Variants in MMP26 observed in about 807,000 individuals in gnomAD.
MMP26 encodes the protein matrix metalloproteinase-26.
MMP26 carries 33 observed loss-of-function variants against 31.0 expected under a neutral mutation model. The ratio of observed to expected loss-of-function variants is 1.06; its 90% CI spans 0.81 to 1.42. MMP26 has a LOEUF of 1.42. Ranked by LOEUF, MMP26 falls within the 40% of genes most tolerant of loss-of-function variation. MMP26 has a pLI of 0.00. For synonymous variants in MMP26, 122 were observed against 114.9 expected, an observed-to-expected ratio of 1.06 and a Z score of -0.40; for missense variants, 347 against 316.1, an observed-to-expected ratio of 1.10 and a Z score of -0.74.
rs763566446 is a variant in MMP26 at position 4,803,842 on chromosome 11, G to T, written c.-145+36501G>T. On this transcript the variant is annotated intron_variant, in intron 2 of 7. Transcript: ENST00000380390. ...CAGCACAGCCATGTGCTCACAGTAT[G>T]ACTGGGGAATGGCTTGGTGTTGGCA... The T allele has an allele frequency of 3.7e-6, 6 of 1,612,758 alleles. No homozygotes were observed. The African/African-American group carries it at 8.1e-5, about 22-fold the overall frequency.
At chr11:4,857,135 C>G (rs575098983) in intron 2 of MMP26, among the ~76,000 whole-genome samples, 2 of 151,614 alleles carry the variant, frequency 1.3e-5, no homozygotes, top group Admixed American at 1.3e-4. Flanking sequence ...GATCTAAAAT[C>G]GACACCCTAA....
Position 4,992,029 on chromosome 11 carries a change from A to C in MMP26, c.661A>C (p.Asn221His), listed in dbSNP as rs754299853. 2.5e-6 allele frequency: 4 copies of C among 1,613,810 alleles called. No homozygotes were observed. The highest frequency in any genetic ancestry group is 3.4e-6 in the Non-Finnish European group (4 of 1,179,936). Residue 221 changes from asparagine to histidine, a missense_variant, in exon 7 of 8, where the codon AAT (asparagine) becomes CAT (histidine). Transcript: ENST00000380390. ...TTCTTTGGGCCTGCAGCACTCTGGG[A>C]ATCAGAGCTCCATAATGTACCCCAC... ...GHSLGLQHSG[N>H]QSSIMYPTYW...
chr11:4,722,095 A>G (rs556565136), intron 1 of MMP26, among the ~76,000 whole-genome samples: 2 of 152,326 alleles, frequency 1.3e-5, no homozygotes, highest in South Asian at 4.1e-4. Context: ...CCTCCCCAGA[A>G]GCAGAAGTCG....
chr11:4,851,872 GA>G (rs774787622), intron 2 of MMP26, among the ~76,000 whole-genome samples: 5 of 151,938 alleles, frequency 3.3e-5, no homozygotes, highest in Non-Finnish European at 7.4e-5. Context: ...GTAATGCAAT[GA>G]AAAAGCAGTG....
At chr11:4,860,848 A>G (rs965081177) in intron 2 of MMP26, among the ~76,000 whole-genome samples, 26 of 152,068 alleles carry the variant, frequency 1.7e-4, no homozygotes, top group Middle Eastern at 3.2e-3. Context: ...AAAAATTTTG[A>G]TATCTCCTTT....
At chr11:4,855,153 G>A (rs543220889) in intron 2 of MMP26, among the ~76,000 whole-genome samples, 8 of 152,210 alleles carry the variant, frequency 5.3e-5, no homozygotes, top group South Asian at 4.1e-4. Flanking sequence ...AAATCAGAGC[G>A]CCTCTTCTAC....
At chr11:4,864,768 G>A (rs1293680909) in intron 2 of MMP26, among the ~76,000 whole-genome samples, 1 of 152,032 alleles carries the variant, frequency 6.6e-6, no homozygotes, top group Non-Finnish European at 1.5e-5. Flanking sequence ...AAGATATCAG[G>A]CCTTGACTCC....
chr11:4,731,410 T>C (rs1008831894), intron 1 of MMP26, among the ~76,000 whole-genome samples: 2 of 152,188 alleles, frequency 1.3e-5, no homozygotes, highest in Non-Finnish European at 2.9e-5. Flanking sequence ...ATTAAATGTA[T>C]AGCTCATTTG....
intron 4 of MMP26, among the ~76,000 whole-genome samples, chr11:4,990,299 T>A (rs1470481682): frequency 1.3e-5 from 2 of 152,208 alleles, no homozygotes; most frequent in Non-Finnish European, 2.9e-5. Context: ...AATTTAATTT[T>A]GTTCACATTG....
chr11:4,724,218 G>A, intron 1 of MMP26: 3 of 478,270 alleles, frequency 6.3e-6, no homozygotes, highest in Admixed American at 3.4e-5. Context: ...TGAACCAGGT[G>A]GATGGGCCTT....
intron 2 of MMP26, among the ~76,000 whole-genome samples, chr11:4,959,034 C>A (rs190254475): frequency 0.015 from 2,203 of 151,904 alleles, 59 homozygotes; most frequent in African/African-American, 0.05. Flanking sequence ...GTCATGAGAT[C>A]GAGACCATCC....
At chr11:4,839,480 G>A (rs1849765220) in intron 2 of MMP26, among the ~76,000 whole-genome samples, 2 of 151,578 alleles carry the variant, frequency 1.3e-5, no homozygotes, top group African/African-American at 4.8e-5. Context: ...AGCTTGTCTT[G>A]CATCTTGCAG....
rs11033978 is a variant in MMP26, at chr11:4,807,772, A to T, written c.-145+40431A>T. Among the ~76,000 whole-genome samples, 1,452 of 152,248 alleles carry T rather than the reference A, an allele frequency of 9.5e-3. 21 individuals are homozygous for T. The highest frequency in any genetic ancestry group is 0.033 in the African/African-American group (1,365 of 41,548). Reference sequence around the variant, plus strand: ...CCCTAGAACTTAAAGTATAATTTTTAAAAAATGATAAAAAATTTGTTTATT... The same window carrying T: ...CCCTAGAACTTAAAGTATAATTTTTTAAAAATGATAAAAAATTTGTTTATT... On this transcript the variant is annotated intron_variant, in intron 2 of 7. Transcript: ENST00000380390.
At chr11:4,908,134 C>A in intron 2 of MMP26, 1 of 1,614,200 alleles carries the variant, frequency 6.2e-7, no homozygotes, top group Non-Finnish European at 8.5e-7. Context: ...TGCCCATCAT[C>A]ACCCTGGCTG....
intron 2 of MMP26, among the ~76,000 whole-genome samples, chr11:4,808,487 CG>C (rs1849307550): frequency 6.6e-6 from 1 of 151,982 alleles, no homozygotes; most frequent in African/African-American, 2.4e-5. Flanking sequence ...GCTGATTTCT[CG>C]GGGAGGACAT....
chr11:4,846,949 G>A (rs1343214656), intron 2 of MMP26, among the ~76,000 whole-genome samples: 1 of 152,130 alleles, frequency 6.6e-6, no homozygotes, highest in Non-Finnish European at 1.5e-5. Context: ...TCTTCATCTA[G>A]GCTGCTTTGA....
chr11:4,742,647 A>G (rs549566886), intron 1 of MMP26, among the ~76,000 whole-genome samples: 2 of 152,262 alleles, frequency 1.3e-5, no homozygotes, highest in South Asian at 2.1e-4. Context: ...TTCTTGGAGA[A>G]TCTTGGGTAA....
At chr11:4,959,444 TCTTC>T in intron 2 of MMP26, among the ~76,000 whole-genome samples, 1 of 151,918 alleles carries the variant, frequency 6.6e-6, no homozygotes, top group Non-Finnish European at 1.5e-5. Flanking sequence ...GTCAGAAAAA[TCTTC>T]CAAGTCAACT....
intron 2 of MMP26, chr11:4,769,893 A>G (rs924388205): frequency 1.9e-6 from 3 of 1,608,184 alleles, no homozygotes; most frequent in African/African-American, 1.3e-5. Context: ...GGAAATTTAG[A>G]TGTTGAGTTG....
Sources: allele counts gnomAD v4.1 joint callset (sites outside exome capture counted in the v4.1 genomes callset), GRCh38; gene constraint gnomAD v4.1.1; transcripts MANE v1.5; gene names NCBI Gene and HGNC (gene_info 2026-07-23, HGNC 2026-07-21).